The following DMD variants were observed in gnomAD, a reference collection of about 807,000 sequenced individuals.
DMD encodes dystrophin, also known as mutant dystrophin.
Under a neutral mutation model 330.1 loss-of-function variants are expected in DMD, and 63 were observed. That is an observed-to-expected ratio of 0.19 (90% confidence interval 0.16 to 0.24). The LOEUF is 0.24. Ranked by LOEUF, DMD falls within the 10% of genes least tolerant of loss-of-function variation. The pLI, the probability that DMD is intolerant of heterozygous loss-of-function variation, is 1.00. For synonymous variants in DMD, 1,223 were observed against 959.8 expected (o/e 1.27, Z -5.07); for missense variants, 3,344 against 2,684.1 (o/e 1.25, Z -5.43).
At chrX:31,793,562 T>G (rs2091679208) in intron 50 of DMD, among the ~76,000 whole-genome samples, 1 of 112,169 alleles carries the variant, frequency 8.9e-6, no homozygotes, top group Non-Finnish European at 1.9e-5. Flanking sequence ...TAGCCTAGCC[T>G]ACCTTCAACA....
At chrX:33,200,617 C>T (rs370537604) in intron 1 of DMD, among the ~76,000 whole-genome samples, 1 of 111,160 alleles carries the variant, frequency 9.0e-6, no homozygotes, top group East Asian at 2.8e-4. Flanking sequence ...TAAATTCTAA[C>T]AATTTCTTAT....
At chrX:32,711,033 T>C (rs898482405) in intron 7 of DMD, among the ~76,000 whole-genome samples, 3 of 111,742 alleles carry the variant, frequency 2.7e-5, no homozygotes, top group Non-Finnish European at 5.7e-5. Context: ...GCAACTCCCT[T>C]TGACTAGATA....
chrX:32,406,689 A>T lies in DMD; in HGVS notation c.4233+5063T>A, dbSNP rs1603632756. On this transcript the variant is annotated intron_variant, in intron 30 of 78. Coordinates refer to ENST00000357033, the MANE Select transcript of DMD (RefSeq NM_004006.3). ...ATTGAGGATTTTTGCATCGATGTTCATCAGGGATATTGGTCTAAAATTCTC... is the reference window on the plus strand; with the variant it reads ...ATTGAGGATTTTTGCATCGATGTTCTTCAGGGATATTGGTCTAAAATTCTC... 9.0e-5 allele frequency among the ~76,000 whole-genome samples: 10 copies of T among 111,155 alleles called. 2 individuals carry two copies. The Admixed American group carries it at 9.6e-4, about 11-fold the overall frequency.
chrX:31,468,066 A>T (rs2407826), intron 59 of DMD, among the ~76,000 whole-genome samples: 1 of 110,690 alleles, frequency 9.0e-6, no homozygotes, highest in Non-Finnish European at 1.9e-5. Flanking sequence ...TTTCTTCTTT[A>T]TTAGTCTGGC....
At position 31,813,954 on chromosome X, in the gene DMD, T is replaced by C. The variant is rs181100727; in HGVS notation, c.7309+6021A>G. Among the ~76,000 whole-genome samples the C allele has an allele frequency of 9.1e-4, 101 of 111,562 alleles. 1 individual carries two copies. The highest frequency in any genetic ancestry group is 2.3e-3 in the Admixed American group (24 of 10,445). Reference sequence around the variant, plus strand: ...TGTCCCTTTATTTAGGTATTGTCTGTGGCTTTTAGTATACAATGACAGAGT... The same window carrying C: ...TGTCCCTTTATTTAGGTATTGTCTGCGGCTTTTAGTATACAATGACAGAGT... On this transcript the variant is annotated intron_variant, in intron 50 of 78. Transcript: ENST00000357033.
chrX:32,718,218 T>A (rs2065922700), intron 7 of DMD, among the ~76,000 whole-genome samples: 1 of 111,562 alleles, frequency 9.0e-6, no homozygotes. Context: ...TGTTGTATTG[T>A]GATCCCCAAT....
Position 31,182,681 on chromosome X carries a change from A to T in DMD, c.9974+57T>A, listed in dbSNP as rs913822221. The T allele has an allele frequency of 1.3e-5, 14 of 1,116,113 alleles. No individual in the cohort carries two copies. In the African/African-American group the frequency reaches 2.4e-4, roughly 19 times the overall value. 92.0% of individuals were successfully genotyped at this position (1,116,113 alleles called of 1,213,427 possible). On this transcript the variant is annotated intron_variant, in intron 68 of 78. Coordinates refer to ENST00000357033, the MANE Select transcript of DMD (RefSeq NM_004006.3). ...GGCACAGGAGATAAAAGATCAAGTC[A>T]TAAAAAGGTGAAAAATGATGAGAAA...
intron 60 of DMD, among the ~76,000 whole-genome samples, chrX:31,369,063 A>AAAACCAG (rs1231426100): frequency 8.9e-6 from 1 of 112,097 alleles, no homozygotes; most frequent in Admixed American, 9.4e-5. Flanking sequence ...AATACCATTA[A>AAAACCAG]AAACCAGAAT....
chrX:31,141,201 AAACAACAACAACAACAAC>A (rs34805586), intron 76 of DMD, among the ~76,000 whole-genome samples: 1 of 105,892 alleles, frequency 9.4e-6, no homozygotes, highest in African/African-American at 3.7e-5. Context: ...CACACAAAAG[AAACAACAACAACAACAAC>A]AACAACAACA....
chrX:32,997,678 T>A (rs896154119), intron 2 of DMD, among the ~76,000 whole-genome samples: 5 of 112,325 alleles, frequency 4.5e-5, no homozygotes, highest in Non-Finnish European at 9.4e-5. Context: ...GCCCTCCCAC[T>A]ATTTGCCTGA....
intron 25 of DMD, among the ~76,000 whole-genome samples, chrX:32,462,568 G>A (rs1487130931): frequency 9.0e-6 from 1 of 110,833 alleles, no homozygotes; most frequent in African/African-American, 3.3e-5. Context: ...GTAGAAAAAT[G>A]AGAAACTCAA....
intron 1 of DMD, among the ~76,000 whole-genome samples, chrX:33,244,833 G>C (rs1016413425): frequency 3.6e-5 from 4 of 111,681 alleles, no homozygotes; most frequent in Non-Finnish European, 7.5e-5. Context: ...ATTCAATGAA[G>C]CTTCATTTTA....
At position 32,280,377 on chromosome X, in the gene DMD, A is replaced by G. The variant is rs182331549; in HGVS notation, c.6290+7152T>C. Among the ~76,000 whole-genome samples, 129 of 109,514 alleles carry G rather than the reference A, an allele frequency of 1.2e-3. 1 individual carries two copies. The highest frequency in any genetic ancestry group is 4.1e-3 in the African/African-American group (123 of 30,173). ...AGTGGCCATGGAATAGGATATGAAC[A>G]ACTTTCTTAAGTTCAGGACTTGCTT... On this transcript the variant is annotated intron_variant, in intron 43 of 78. Transcript: ENST00000357033.
chrX:32,377,565 C>T (rs560963632), intron 34 of DMD, among the ~76,000 whole-genome samples: 2 of 111,722 alleles, frequency 1.8e-5, no homozygotes, highest in South Asian at 3.7e-4. Context: ...TGAAGCCCTG[C>T]TTTCCAATTA....
chrX:33,071,173 C>T (rs1349719188), intron 1 of DMD, among the ~76,000 whole-genome samples: 1 of 110,943 alleles, frequency 9.0e-6, no homozygotes, highest in African/African-American at 3.3e-5. Context: ...ACATACAGGC[C>T]GGACTTGGTG....
Position 31,119,914 on chromosome X carries a change from T to A in DMD, c.*2005A>T, listed in dbSNP as rs1325602668. 8.9e-6 allele frequency: 1 copy of A among 111,956 alleles called. No individual in the cohort carries two copies. Among genetic ancestry groups the A allele is most frequent in the African/African-American group, 3.3e-5 (1 of 30,757 alleles). The allele number at this position is 111,956 out of a possible 1,213,427, so 9.2% of individuals were successfully genotyped here. On this transcript the variant is annotated 3_prime_UTR_variant, in exon 79 of 79. Coordinates refer to ENST00000357033, the MANE Select transcript of DMD (RefSeq NM_004006.3). ...ATAAAGGAAAAAGAAAATAACGCAA[T>A]GGACAAGTGGTGAAGCTGTGAACTC...
chrX:32,005,451 G>A (rs1011470856), intron 44 of DMD, among the ~76,000 whole-genome samples: 2 of 110,625 alleles, frequency 1.8e-5, no homozygotes, highest in African/African-American at 6.6e-5. Flanking sequence ...TTCTTTCTTG[G>A]GATGGATGTG....
chrX:31,136,592 C>T (rs769137898), intron 76 of DMD, among the ~76,000 whole-genome samples: 5 of 112,152 alleles, frequency 4.5e-5, no homozygotes, highest in East Asian at 2.8e-4. Flanking sequence ...TCATGAACGA[C>T]GCTCATGAAC....
intron 16 of DMD, among the ~76,000 whole-genome samples, chrX:32,564,416 T>C (rs781709278): frequency 9.0e-6 from 1 of 111,657 alleles, no homozygotes; most frequent in African/African-American, 3.3e-5. Context: ...CAGTGTTGGG[T>C]TAAAAAGTAT....
Sources: gnomAD v4.1 joint callset for allele counts (sites outside exome capture counted in the v4.1 genomes callset) on GRCh38, gnomAD v4.1.1 for gene constraint, MANE v1.5 for transcripts, NCBI Gene and HGNC (gene_info 2026-07-23, HGNC 2026-07-21) for gene names.